ARMH3: variants seen among roughly 807,000 people sequenced by gnomAD.
ARMH3 encodes armadillo-like helical domain-containing protein 3.
Under a neutral mutation model 99.1 loss-of-function variants are expected in ARMH3, and 60 were observed. The ratio of observed to expected loss-of-function variants is 0.61; its 90% CI spans 0.49 to 0.75. The LOEUF is 0.75. Among genes scored for constraint, ARMH3 ranks in the 30% least tolerant of loss-of-function variants. The pLI is 0.00. For synonymous variants in ARMH3, 285 were observed against 292.8 expected (o/e 0.97, Z 0.27); for missense variants, 679 against 843.1 (o/e 0.81, Z 2.41).
At chr10:102,016,341 A>G (rs1360119495) in intron 8 of ARMH3, among the ~76,000 whole-genome samples, 1 of 152,212 alleles carries the variant, frequency 6.6e-6, no homozygotes, top group Non-Finnish European at 1.5e-5. Context: ...AGATTTTCAG[A>G]TAAGAAATGG....
chr10:101,907,236 G>C (rs983495039), intron 23 of ARMH3, among the ~76,000 whole-genome samples: 1 of 152,120 alleles, frequency 6.6e-6, no homozygotes, highest in South Asian at 2.1e-4. Context: ...TGCTCTTCTA[G>C]ATCTATGGAA....
At chr10:101,992,090 T>C (rs1248602141) in intron 17 of ARMH3, 52 bp from the exon 18 acceptor site, 2 of 1,390,538 alleles carry the variant, frequency 1.4e-6, no homozygotes, top group Admixed American at 1.7e-5. Context: ...GGCACTGACA[T>C]CCAATGGCCC....
At chr10:101,966,422 G>T (rs1249679553) in intron 20 of ARMH3, among the ~76,000 whole-genome samples, 1 of 149,772 alleles carries the variant, frequency 6.7e-6, no homozygotes, top group South Asian at 2.1e-4. Context: ...GATTACAGGC[G>T]CCCGCCACCA....
At chr10:101,907,851 A>AT (rs1290003117) in intron 23 of ARMH3, among the ~76,000 whole-genome samples, 3 of 152,196 alleles carry the variant, frequency 2.0e-5, no homozygotes, top group Non-Finnish European at 2.9e-5. Flanking sequence ...TGATTTCTCT[A>AT]TTTTTAGAAA....
At chr10:101,896,556 A>G (rs1221198357) in intron 23 of ARMH3, among the ~76,000 whole-genome samples, 1 of 152,236 alleles carries the variant, frequency 6.6e-6, no homozygotes, top group Non-Finnish European at 1.5e-5. Flanking sequence ...TGTACACTTT[A>G]AGTGGATGAA....
At chr10:101,850,616 G>C (rs1046432736) in intron 24 of ARMH3, among the ~76,000 whole-genome samples, 1 of 150,176 alleles carries the variant, frequency 6.7e-6, no homozygotes, top group Non-Finnish European at 1.5e-5. Flanking sequence ...GTAGAGATGT[G>C]ATTTCTCCAT....
At chr10:101,972,913 A>G (rs1181619007) in intron 20 of ARMH3, among the ~76,000 whole-genome samples, 1 of 152,240 alleles carries the variant, frequency 6.6e-6, no homozygotes, top group Non-Finnish European at 1.5e-5. Context: ...AGAATAGGAC[A>G]TAATTATAAA....
Position 101,864,072 on chromosome 10 carries a change from AAAAAAAACACACACAC to A in ARMH3, c.1861-14196_1861-14181del, listed in dbSNP as rs1206658481. On this transcript the variant is annotated intron_variant, in intron 24 of 25. Coordinates refer to ENST00000370033, the MANE Select transcript of ARMH3 (RefSeq NM_024541.3). The stretch of plus-strand genomic sequence containing the variant: ...CAAGACTCCATCTCAAAAAAAAAAA[AAAAAAAACACACACAC>A]ACACACACACACACACACAAAAACC... Among the ~76,000 whole-genome samples the A allele has an allele frequency of 6.7e-5, 9 of 134,642 alleles. No individual in the cohort carries two copies. The East Asian group carries it at 9.1e-4, about 14-fold the overall frequency. The allele number at this position is 134,642 out of a possible 152,430, so 88.3% of individuals were successfully genotyped here.
At chr10:102,011,674 C>T in intron 11 of ARMH3, 49 bp downstream of exon 11, 1 of 1,515,518 alleles carries the variant, frequency 6.6e-7, no homozygotes, top group Non-Finnish European at 9.1e-7. Flanking sequence ...CCCCTGCAGA[C>T]CACACTGTTT....
In ARMH3 at chr10:101,975,197, AAGAG is replaced by A. The variant is rs779373351; in HGVS notation, c.1495+11_1495+14del. On this transcript the variant is annotated intron_variant, in intron 20 of 25. Coordinates refer to ENST00000370033, the MANE Select transcript of ARMH3 (RefSeq NM_024541.3). Reference sequence around the variant, plus strand: ...GGTATAGAAAAAGGAAGATGAATTCAAGAGAGAAAGTTACCTGACCAGAGCTCCC... The same window carrying A: ...GGTATAGAAAAAGGAAGATGAATTCAAGAAAGTTACCTGACCAGAGCTCCC... 1.9e-6 allele frequency: 3 copies of A among 1,608,452 alleles called. No individual in the cohort carries two copies. The Admixed American group carries it at 5.0e-5, about 27-fold the overall frequency.
At chr10:101,933,874 T>C (rs1298770322) in intron 23 of ARMH3, among the ~76,000 whole-genome samples, 2 of 152,204 alleles carry the variant, frequency 1.3e-5, no homozygotes, top group African/African-American at 4.8e-5. Context: ...TTAGTCCACA[T>C]TTACTTTTCA....
intron 23 of ARMH3, among the ~76,000 whole-genome samples, chr10:101,909,290 C>G (rs1842773199): frequency 1.3e-5 from 2 of 151,594 alleles, no homozygotes; most frequent in South Asian, 4.2e-4. Context: ...GCCTGTAATC[C>G]CAGTTATTCA....
chr10:101,889,452 T>G lies in ARMH3; in HGVS notation c.1820A>C (p.Tyr607Ser). The G allele has an allele frequency of 6.2e-7, 1 of 1,614,050 alleles. No individual in the cohort carries two copies. The highest frequency in any genetic ancestry group is 8.5e-7 in the Non-Finnish European group (1 of 1,179,900). The change falls in exon 24 of 26, where the codon TAC (tyrosine) becomes TCC (serine). Residue 607 changes from tyrosine (Y) to serine (S), a missense_variant. Around this residue, in one of 3 missense-constraint regions of ARMH3, gnomAD observed 389 missense variants for 456.5 expected, o/e 0.85. Coordinates refer to ENST00000370033, the MANE Select transcript of ARMH3 (RefSeq NM_024541.3). ...INHFNPKIES[Y>S]AAVNHISQLS... ...TTGGGATATGTGATTCACAGCAGCG[T>G]AGGACTCAATTTTGGGGTTAAAGTG...
At chr10:102,031,670 T>C (rs1230040688) in intron 4 of ARMH3, among the ~76,000 whole-genome samples, 1 of 152,238 alleles carries the variant, frequency 6.6e-6, no homozygotes, top group African/African-American at 2.4e-5. Context: ...TCTGCCTAAC[T>C]AGTATGTTAG....
intron 20 of ARMH3, among the ~76,000 whole-genome samples, chr10:101,960,480 T>C (rs1016330167): frequency 6.6e-6 from 1 of 152,192 alleles, no homozygotes. Flanking sequence ...TTTAATCCGA[T>C]TTCCTCATTT....
At chr10:101,897,464 A>G (rs901435118) in intron 23 of ARMH3, among the ~76,000 whole-genome samples, 2 of 152,252 alleles carry the variant, frequency 1.3e-5, no homozygotes, top group Non-Finnish European at 2.9e-5. Context: ...AGAAGGAGCA[A>G]AAGTTGACAC....
intron 24 of ARMH3, among the ~76,000 whole-genome samples, chr10:101,878,532 G>C (rs562455361): frequency 6.6e-6 from 1 of 151,820 alleles, no homozygotes; most frequent in Admixed American, 6.6e-5. Flanking sequence ...CCAGCTACTC[G>C]AGAGGCTGAG....
chr10:101,958,126 C>T (rs1000061344), intron 20 of ARMH3, among the ~76,000 whole-genome samples: 8 of 152,168 alleles, frequency 5.3e-5, no homozygotes, highest in African/African-American at 1.9e-4. Context: ...CTTCTATTGT[C>T]ATCAAGCTTT....
intron 23 of ARMH3, among the ~76,000 whole-genome samples, chr10:101,930,344 G>C (rs1415128436): frequency 1.3e-5 from 2 of 152,016 alleles, no homozygotes; most frequent in East Asian, 1.9e-4. Context: ...TACAAAAAAA[G>C]TTCACAGCTA....
Sources: allele counts gnomAD v4.1 joint callset (sites outside exome capture counted in the v4.1 genomes callset), GRCh38; gene constraint gnomAD v4.1.1; regional missense constraint gnomAD v4.1.1; transcripts MANE v1.5; gene names NCBI Gene and HGNC (gene_info 2026-07-23, HGNC 2026-07-21).